The following FRMD5 variants were observed in gnomAD, a reference collection of about 807,000 sequenced individuals.
The protein encoded by FRMD5 is FERM domain-containing protein 5.
In FRMD5, 20 loss-of-function variants were observed where a neutral mutation model predicts 69.0. The observed-to-expected ratio is 0.29, with a 90% CI of 0.20 to 0.42. The LOEUF is 0.42. FRMD5 is among the 10% of genes least tolerant of loss of function. FRMD5 has a pLI of 1.00. For missense variants in FRMD5, 595 were observed against 708.6 expected (o/e 0.84, Z 1.82); for synonymous variants, 271 against 260.1 (o/e 1.04, Z -0.40).
At chr15:43,998,487 C>G (rs1890040258) in intron 1 of FRMD5, among the ~76,000 whole-genome samples, 1 of 152,134 alleles carries the variant, frequency 6.6e-6, no homozygotes, top group Admixed American at 6.5e-5. Flanking sequence ...TAGTTTCAAG[C>G]AAGCAGACTG....
intron 1 of FRMD5, among the ~76,000 whole-genome samples, chr15:44,053,837 T>G (rs1892763883): frequency 6.6e-6 from 1 of 152,230 alleles, no homozygotes; most frequent in African/African-American, 2.4e-5. Context: ...ACTAATTTTA[T>G]AGATGGTAAC....
At chr15:43,931,515 T>G (rs1371262085) in intron 1 of FRMD5, among the ~76,000 whole-genome samples, 1 of 152,166 alleles carries the variant, frequency 6.6e-6, no homozygotes, top group Non-Finnish European at 1.5e-5. Context: ...AATCTAGAAT[T>G]TGGGGAAAGA....
At chr15:44,014,575 A>T (rs1450615891) in intron 1 of FRMD5, among the ~76,000 whole-genome samples, 1 of 152,064 alleles carries the variant, frequency 6.6e-6, no homozygotes, top group African/African-American at 2.4e-5. Flanking sequence ...CATCTCTACT[A>T]AAAATACAAA....
Position 44,000,633 on chromosome 15 carries a change from T to C in FRMD5, c.103-76324A>G, listed in dbSNP as rs567514678. On this transcript the variant is annotated intron_variant, in intron 1 of 13. Coordinates refer to ENST00000417257, the MANE Select transcript of FRMD5 (RefSeq NM_032892.5). The stretch of plus-strand genomic sequence containing the variant: ...TGCCACCACACCCAGCTAATTTTTG[T>C]ATTTTTAGTAGAGACGGGGTTTTGC... Among the ~76,000 whole-genome samples, 34 of 152,240 alleles carry C rather than the reference T, an allele frequency of 2.2e-4. No homozygotes were observed. The Middle Eastern group carries it at 0.01, about 46-fold the overall frequency.
chr15:44,029,919 A>G (rs138817472), intron 1 of FRMD5, among the ~76,000 whole-genome samples: 1 of 152,354 alleles, frequency 6.6e-6, no homozygotes, highest in Non-Finnish European at 1.5e-5. Flanking sequence ...TTATGAATGA[A>G]AAGCCTCTTT....
chr15:44,156,267 C>T (rs951581015), intron 1 of FRMD5, among the ~76,000 whole-genome samples: 44 of 152,206 alleles, frequency 2.9e-4, no homozygotes, highest in African/African-American at 1.0e-3. Context: ...CCTCAGCCTC[C>T]CTAGTAGCTG....
At chr15:44,093,032 A>G (rs1432170964) in intron 1 of FRMD5, among the ~76,000 whole-genome samples, 4 of 146,430 alleles carry the variant, frequency 2.7e-5, no homozygotes, top group Non-Finnish European at 5.9e-5. Context: ...CCCGGGTTCA[A>G]GTGATTCTCC....
chr15:44,025,431 CAT>C (rs549729523), intron 1 of FRMD5, among the ~76,000 whole-genome samples: 4 of 151,964 alleles, frequency 2.6e-5, no homozygotes, highest in African/African-American at 9.7e-5. Flanking sequence ...TACACACACA[CAT>C]ATATATACAC....
At chr15:43,924,507 C>T (rs917408030) in intron 1 of FRMD5, among the ~76,000 whole-genome samples, 198 bp from the exon 2 acceptor site, 3 of 152,108 alleles carry the variant, frequency 2.0e-5, no homozygotes, top group Non-Finnish European at 4.4e-5. Context: ...TGGAAGGAGC[C>T]CAAGAACCCT....
chr15:43,891,321 C>T (rs1595487278), intron 8 of FRMD5, among the ~76,000 whole-genome samples: 1 of 152,206 alleles, frequency 6.6e-6, no homozygotes, highest in African/African-American at 2.4e-5. Flanking sequence ...AGAGTAGCTG[C>T]AGCTGAGGCA....
At chr15:44,109,692 A>G (rs891539421) in intron 1 of FRMD5, among the ~76,000 whole-genome samples, 1 of 151,936 alleles carries the variant, frequency 6.6e-6, no homozygotes, top group Non-Finnish European at 1.5e-5. Flanking sequence ...ATTAGGGTTC[A>G]CTCTTGGTAG....
intron 1 of FRMD5, among the ~76,000 whole-genome samples, chr15:43,934,683 TG>T (rs779001429): frequency 1.4e-4 from 22 of 152,214 alleles, no homozygotes; most frequent in Admixed American, 2.6e-4. Context: ...CTGTGAGCGA[TG>T]GAAAAGTCCC....
intron 1 of FRMD5, among the ~76,000 whole-genome samples, chr15:43,973,368 GTT>G (rs142522923): frequency 9.4e-5 from 12 of 127,658 alleles, no homozygotes; most frequent in East Asian, 2.3e-4. Context: ...TAATGCTAAT[GTT>G]TTTTTTTTTT....
chr15:44,119,122 A>G (rs1175658732), intron 1 of FRMD5, among the ~76,000 whole-genome samples: 1 of 151,656 alleles, frequency 6.6e-6, no homozygotes, highest in East Asian at 1.9e-4. Context: ...CACCCAGTTA[A>G]TTTTTTTTAT....
chr15:43,902,381 G>A (rs2089067730), intron 6 of FRMD5, 119 bp from the exon 7 acceptor site: 1 of 843,454 alleles, frequency 1.2e-6, no homozygotes, highest in Non-Finnish European at 2.0e-6. Context: ...TCTAGGGTGT[G>A]CTCCCTGCTT....
intron 1 of FRMD5, among the ~76,000 whole-genome samples, chr15:44,084,220 A>G (rs940316204): frequency 3.3e-5 from 5 of 151,978 alleles, no homozygotes; most frequent in Admixed American, 2.6e-4. Context: ...AGAAGATGAT[A>G]ACACACCTAT....
chr15:43,951,216 C>A (rs927911816), intron 1 of FRMD5, among the ~76,000 whole-genome samples: 1 of 151,956 alleles, frequency 6.6e-6, no homozygotes, highest in South Asian at 2.1e-4. Context: ...GTCAGGAGAT[C>A]GAGACCATCC....
intron 1 of FRMD5, among the ~76,000 whole-genome samples, chr15:44,037,106 A>G (rs998772113): frequency 2.6e-5 from 4 of 152,004 alleles, no homozygotes; most frequent in Non-Finnish European, 5.9e-5. Context: ...CAACTACATT[A>G]GGTATTTCTC....
intron 4 of FRMD5, among the ~76,000 whole-genome samples, chr15:43,918,384 A>G (rs1207050240): frequency 6.6e-6 from 1 of 152,252 alleles, no homozygotes; most frequent in African/African-American, 2.4e-5. Context: ...AGATCGCGCC[A>G]CTGCACTCCA....
Sources: allele counts gnomAD v4.1 joint callset (sites outside exome capture counted in the v4.1 genomes callset), GRCh38; gene constraint gnomAD v4.1.1; transcripts MANE v1.5; gene names NCBI Gene and HGNC (gene_info 2026-07-23, HGNC 2026-07-21).